The following VCP variants were observed in gnomAD, a reference collection of about 807,000 sequenced individuals.
VCP encodes the protein valosin containing protein, also known as transitional endoplasmic reticulum ATPase.
In VCP, 6 loss-of-function variants were observed where a neutral mutation model predicts 85.7. The ratio of observed to expected loss-of-function variants is 0.07; its 90% CI spans 0.04 to 0.14. The LOEUF (loss-of-function observed/expected upper bound fraction) is 0.14, where lower values mean the gene tolerates loss of function less well. Among genes scored for constraint, VCP ranks in the 10% least tolerant of loss-of-function variants. The pLI is 1.00. For synonymous variants in VCP, 384 were observed against 367.1 expected (o/e 1.05, Z -0.53); for missense variants, 353 against 1,043.4 (o/e 0.34, Z 9.12).
intron 6 of VCP, among the ~76,000 whole-genome samples, chr9:35,063,906 CAT>C (rs553537426): frequency 1.1e-3 from 161 of 152,256 alleles, no homozygotes; most frequent in African/African-American, 3.7e-3. Flanking sequence ...AAGAAAAACC[CAT>C]ATATATATGT....
In VCP at chr9:35,066,551, A is replaced by G. The variant is rs970549187; in HGVS notation, c.445+124T>C. The G allele has an allele frequency of 6.5e-6, 9 of 1,384,434 alleles. No individual in the cohort carries two copies. In the African/African-American group the frequency reaches 1.2e-4, roughly 18 times the overall value. 85.8% of individuals were successfully genotyped at this position (1,384,434 alleles called of 1,614,324 possible). A position where few individuals can be genotyped will look rare whatever the true frequency, so the allele number is the denominator to read the frequency against. ...TGACCCCATCTCTTAAAAAATGAAT[A>G]AATAAATACAGGGGAAAAGCATAAA... On this transcript the variant is annotated intron_variant, in intron 4 of 16. Transcript: ENST00000358901.
intron 4 of VCP, among the ~76,000 whole-genome samples, chr9:35,066,395 G>A (rs747164485): frequency 6.6e-6 from 1 of 151,118 alleles, no homozygotes; most frequent in Non-Finnish European, 1.5e-5. Context: ...CCAGGTAGCT[G>A]GGATTACAGG....
chr9:35,061,554 G>T (rs1426582406), intron 10 of VCP, 23 bp downstream of exon 10: 1 of 1,605,896 alleles, frequency 6.2e-7, no homozygotes, highest in African/African-American at 1.3e-5. Flanking sequence ...GTAACGCCTG[G>T]TCAGCCATCA....
Position 35,063,100 on chromosome 9 carries a change from G to A in VCP, c.709-20C>T, listed in dbSNP as rs1488717466. 10 of 1,612,418 alleles carry A rather than the reference G, an allele frequency of 6.2e-6. No individual in the cohort carries two copies. Among genetic ancestry groups the A allele is most frequent in the African/African-American group, 1.3e-5 (1 of 75,008 alleles). On this transcript the variant is annotated intron_variant, in intron 6 of 16. Transcript: ENST00000358901. ...AGGAGGCTGTGGACCAATGCAGAGT[G>A]TGATTAGGTTCCCACCTTCTCCCAA...
intron 6 of VCP, 110 bp from the exon 7 acceptor site, chr9:35,063,190 T>A: frequency 2.1e-6 from 2 of 930,382 alleles, no homozygotes; most frequent in African/African-American, 1.6e-5. Context: ...CTGACAATAT[T>A]AAGAATAAGC....
At chr9:35,061,893 AC>A in intron 9 of VCP, 109 bp downstream of exon 9, 1 of 1,583,448 alleles carries the variant, frequency 6.3e-7, no homozygotes, top group Non-Finnish European at 8.6e-7. Flanking sequence ...AAGGAAAAAG[AC>A]CCCTGGACCC....
chr9:35,062,367 T>C lies in VCP; in HGVS notation c.812-17A>G, dbSNP rs777179882. ...TCTCAGGACCTGAAAGGATACAGAA[T>C]GGAGACAATAACAAAATGATAGTCT... On this transcript the variant is annotated splice_polypyrimidine_tract_variant and intron_variant, in intron 7 of 16. Coordinates refer to ENST00000358901, the MANE Select transcript of VCP (RefSeq NM_007126.5). 8.1e-6 allele frequency: 13 copies of C among 1,613,944 alleles called. No homozygotes were observed. The Admixed American group carries it at 1.3e-4, about 17-fold the overall frequency.
chr9:35,069,747 C>CA (rs1369130355), intron 1 of VCP, among the ~76,000 whole-genome samples: 1 of 152,210 alleles, frequency 6.6e-6, no homozygotes, highest in East Asian at 1.9e-4. Context: ...CCACAGCACC[C>CA]AGCGCTCTCT....
rs1166334886 is a variant in VCP, at chr9:35,063,033, G to T, written c.756C>A (p.Thr252=). The T allele has an allele frequency of 1.2e-6, 2 of 1,613,862 alleles. No individual in the cohort carries two copies. The highest frequency in any genetic ancestry group is 2.2e-5 in the East Asian group (1 of 44,864). Residue 252 remains threonine (T), a synonymous_variant, in exon 7 of 17, where the codon ACC becomes ACA. Coordinates refer to ENST00000358901, the MANE Select transcript of VCP (RefSeq NM_007126.5). ...LLYGPPGTGK[T]LIARAVANET... is the part of the protein sequence containing the mutation. ...CATTTGCTACAGCTCGAGCAATCAG[G>T]GTCTTTCCTGTTCCAGGAGGTCCGT...
At position 35,057,571 on chromosome 9, in the gene VCP, C is replaced by G. The variant is rs184846061; in HGVS notation, c.2161-41G>C. 7.4e-5 allele frequency: 118 copies of G among 1,601,866 alleles called. No homozygotes were observed. The Admixed American group carries it at 2.0e-3, about 27-fold the overall frequency. On this transcript the variant is annotated intron_variant, in intron 15 of 16. Transcript: ENST00000358901. ...ACAGATCACTAGGGCTAGTTAAAGCCCAGCCTGGATTTCATCCCAGGCCTC... is the reference window on the plus strand; with the variant it reads ...ACAGATCACTAGGGCTAGTTAAAGCGCAGCCTGGATTTCATCCCAGGCCTC...
chr9:35,065,999 G>A (rs992977229), intron 4 of VCP, among the ~76,000 whole-genome samples: 4 of 152,030 alleles, frequency 2.6e-5, no homozygotes, highest in South Asian at 2.1e-4. Context: ...GGTGGCAGAC[G>A]CCTGTAATCC....
At chr9:35,060,202 T>C (rs1828694588) in intron 13 of VCP, 111 bp downstream of exon 13, 1 of 1,112,044 alleles carries the variant, frequency 9.0e-7, no homozygotes, top group Non-Finnish European at 1.3e-6. Flanking sequence ...AGTGACTTAC[T>C]GTGCAGTTGA....
chr9:35,061,173 T>A lies in VCP; in HGVS notation c.1201A>T (p.Asn401Tyr). The change falls in exon 11 of 17, where the codon AAT (asparagine) becomes TAT (tyrosine). Residue 401 changes from asparagine (N) to tyrosine (Y), a missense_variant. Physicochemically the swap from Asn to Tyr is moderately radical, Grantham distance 143. This residue lies in a region of VCP where 30 missense variants were observed against 39.0 expected (regional missense o/e 0.77). Coordinates refer to ENST00000358901, the MANE Select transcript of VCP (RefSeq NM_007126.5). Reference protein sequence around the residue: ...ADDVDLEQVANETHGHVGADL... With the variant: ...ADDVDLEQVAYETHGHVGADL... ...GCACCCACATGCCCGTGAGTCTCAT[T>A]GGCTACCTGCAGAGAAAGATCTACT... is the stretch of plus-strand genomic sequence containing the variant. 6.2e-7 allele frequency: 1 copy of A among 1,613,290 alleles called. No individual in the cohort carries two copies. Among genetic ancestry groups the A allele is most frequent in the East Asian group, 2.2e-5 (1 of 44,888 alleles).
At chr9:35,069,328 G>A (rs553307826) in intron 1 of VCP, among the ~76,000 whole-genome samples, 1 of 151,714 alleles carries the variant, frequency 6.6e-6, no homozygotes, top group Non-Finnish European at 1.5e-5. Context: ...AAGTCGACTG[G>A]GTCTACACTC....
Position 35,068,287 on chromosome 9 carries a change from G to A in VCP, c.93C>T (p.Ala31=). The A allele has an allele frequency of 6.2e-7, 1 of 1,614,120 alleles. No homozygotes were observed. Among genetic ancestry groups the A allele is most frequent in the Non-Finnish European group, 8.5e-7 (1 of 1,180,010 alleles). Residue 31 remains alanine, a synonymous_variant, in exon 2 of 17, where the codon GCC becomes GCT. Coordinates refer to ENST00000358901, the MANE Select transcript of VCP (RefSeq NM_007126.5). ...NRPNRLIVDE[A]INEDNSVVSL... is the part of the protein sequence containing the mutation. ...ACACCACACTGTTGTCCTCATTGAT[G>A]GCTTCATCAACAATTAACCGATTGG...
chr9:35,057,827 A>C, intron 15 of VCP: 1 of 470,302 alleles, frequency 2.1e-6, no homozygotes, highest in Admixed American at 3.4e-5. Flanking sequence ...TTTAAGTCTC[A>C]ACTGTGGTAG....
At chr9:35,072,043 G>A in intron 1 of VCP, 5 of 1,219,776 alleles carry the variant, frequency 4.1e-6, no homozygotes, top group Non-Finnish European at 5.1e-6. Context: ...AGGCCCAGAC[G>A]TCCGTTCTAA....
chr9:35,070,057 G>C (rs1828909721), intron 1 of VCP, among the ~76,000 whole-genome samples: 1 of 152,166 alleles, frequency 6.6e-6, no homozygotes, highest in African/African-American at 2.4e-5. Flanking sequence ...TTTGGGTCCT[G>C]ATACACCCAA....
intron 1 of VCP, among the ~76,000 whole-genome samples, chr9:35,071,251 G>A (rs933913883): frequency 1.3e-5 from 2 of 148,234 alleles, no homozygotes; most frequent in African/African-American, 5.0e-5. Context: ...ATCTCTTCAA[G>A]GAAGGAAGGT....
Sources: gnomAD v4.1 joint callset for allele counts (sites outside exome capture counted in the v4.1 genomes callset) on GRCh38, gnomAD v4.1.1 for gene constraint, gnomAD v4.1.1 regional missense constraint, MANE v1.5 for transcripts, NCBI Gene and HGNC (gene_info 2026-07-23, HGNC 2026-07-21) for gene names.